CEP89: variants seen among roughly 807,000 people sequenced by gnomAD.
The protein encoded by CEP89 is centrosomal protein 89.
CEP89 carries 95 observed loss-of-function variants against 97.6 expected under a neutral mutation model. That is an observed-to-expected ratio of 0.97 (90% CI 0.82 to 1.15). CEP89 has a LOEUF of 1.15. Among genes scored for constraint, CEP89 ranks in the 50% most tolerant of loss-of-function variants. CEP89 has a pLI of 0.00. For synonymous variants in CEP89, 354 were observed against 349.1 expected (o/e 1.01, Z -0.16); for missense variants, 869 against 947.7 (o/e 0.92, Z 1.09).
rs150939726 is a variant in CEP89 at position 32,919,926 on chromosome 19, G to A, written c.1269-1587C>T. On this transcript the variant is annotated intron_variant, in intron 12 of 18. Coordinates refer to ENST00000305768, the MANE Select transcript of CEP89 (RefSeq NM_032816.5). Reference sequence around the variant, plus strand: ...CTCCCAAAGTGCTGGGATTACAGGCGTGAGCCACCATGCCCAGCCGCATTT... The same window carrying A: ...CTCCCAAAGTGCTGGGATTACAGGCATGAGCCACCATGCCCAGCCGCATTT... Among the ~76,000 whole-genome samples the A allele has an allele frequency of 2.9e-3, 445 of 152,314 alleles. 2 individuals carry two copies. Among genetic ancestry groups the A allele is most frequent in the African/African-American group, 0.01 (420 of 41,582 alleles).
At chr19:32,899,054 AG>A (rs1969705754) in intron 16 of CEP89, among the ~76,000 whole-genome samples, 1 of 152,024 alleles carries the variant, frequency 6.6e-6, no homozygotes, top group South Asian at 2.1e-4. Context: ...ATTAATAAAA[AG>A]ATACAATTGT....
intron 14 of CEP89, among the ~76,000 whole-genome samples, chr19:32,908,783 GCTCACACC>G (rs1044804810): frequency 2.6e-5 from 4 of 152,140 alleles, no homozygotes; most frequent in African/African-American, 9.7e-5. Flanking sequence ...CTGAACCAGC[GCTCACACC>G]GGGGGAATGT....
At chr19:32,898,657 A>G (rs1346481103) in intron 16 of CEP89, among the ~76,000 whole-genome samples, 1 of 152,090 alleles carries the variant, frequency 6.6e-6, no homozygotes, top group Non-Finnish European at 1.5e-5. Flanking sequence ...CGAGGTGGGC[A>G]GATCTCTTGA....
At chr19:32,918,647 C>A (rs1361387763) in intron 12 of CEP89, among the ~76,000 whole-genome samples, 1 of 152,174 alleles carries the variant, frequency 6.6e-6, no homozygotes, top group African/African-American at 2.4e-5. Context: ...TGAACAGTCA[C>A]TAAATGGCTG....
Position 32,880,227 on chromosome 19 carries a change from C to T in CEP89, c.2136-849G>A, listed in dbSNP as rs113302705. Among the ~76,000 whole-genome samples the T allele has an allele frequency of 1.6e-4, 24 of 152,344 alleles. 1 individual carries two copies. The highest frequency in any genetic ancestry group is 5.5e-4 in the African/African-American group (23 of 41,590). ...CTGGAGAGGCCAGCTCCTTCCCGGA[C>T]ACTGCCAGATGGTTCTGGAAAATGT... On this transcript the variant is annotated intron_variant, in intron 18 of 18. Transcript: ENST00000305768.
chr19:32,929,494 C>T (rs1219309413), intron 9 of CEP89, among the ~76,000 whole-genome samples: 1 of 151,894 alleles, frequency 6.6e-6, no homozygotes, highest in Non-Finnish European at 1.5e-5. Context: ...CCCAGCCACT[C>T]AGGAGGCTGA....
chr19:32,958,620 A>T (rs187225466), intron 3 of CEP89, among the ~76,000 whole-genome samples: 1 of 152,198 alleles, frequency 6.6e-6, no homozygotes, highest in Admixed American at 6.5e-5. Context: ...CAGAGGTTGC[A>T]GTGAGCCAGG....
At chr19:32,923,914 T>G (rs1053774291) in intron 11 of CEP89, among the ~76,000 whole-genome samples, 2 of 152,000 alleles carry the variant, frequency 1.3e-5, no homozygotes, top group Non-Finnish European at 2.9e-5. Context: ...AAATTGGAGG[T>G]TTTTAATATA....
intron 17 of CEP89, among the ~76,000 whole-genome samples, chr19:32,884,736 A>G (rs1568542862): frequency 6.6e-6 from 1 of 151,924 alleles, no homozygotes; most frequent in African/African-American, 2.4e-5. Context: ...GGCTAATTTT[A>G]AACTTTTTTT....
intron 5 of CEP89, among the ~76,000 whole-genome samples, chr19:32,941,665 T>C (rs910633980): frequency 2.0e-5 from 3 of 151,414 alleles, no homozygotes; most frequent in Admixed American, 1.3e-4. Flanking sequence ...TCTCCTGCGT[T>C]GGACACCAGG....
intron 16 of CEP89, among the ~76,000 whole-genome samples, chr19:32,898,606 G>C (rs1200215402): frequency 3.3e-5 from 5 of 152,162 alleles, no homozygotes; most frequent in African/African-American, 4.8e-5. Flanking sequence ...GCTCAGCTGG[G>C]TGTGGTGGCT....
At chr19:32,889,074 G>A (rs922655024) in intron 16 of CEP89, among the ~76,000 whole-genome samples, 4 of 152,180 alleles carry the variant, frequency 2.6e-5, no homozygotes, top group African/African-American at 9.6e-5. Context: ...GTACAGGGTT[G>A]GGTAAGGGCT....
At chr19:32,892,109 T>C (rs1410674529) in intron 16 of CEP89, among the ~76,000 whole-genome samples, 84 of 125,134 alleles carry the variant, frequency 6.7e-4, no homozygotes, top group African/African-American at 3.8e-3. Context: ...TATATATATT[T>C]AGACATACAT....
At chr19:32,919,024 A>G (rs1970193383) in intron 12 of CEP89, among the ~76,000 whole-genome samples, 1 of 151,548 alleles carries the variant, frequency 6.6e-6, no homozygotes, top group South Asian at 2.1e-4. Flanking sequence ...AGCTGGGACT[A>G]CAGATGCCCA....
At chr19:32,932,972 G>T (rs542377140) in intron 8 of CEP89, among the ~76,000 whole-genome samples, 1 of 151,814 alleles carries the variant, frequency 6.6e-6, no homozygotes, top group East Asian at 1.9e-4. Flanking sequence ...TAAATAAAGT[G>T]GGCAGCTTTA....
chr19:32,884,362 A>G (rs1599706861), intron 17 of CEP89, among the ~76,000 whole-genome samples: 2 of 152,276 alleles, frequency 1.3e-5, no homozygotes, highest in African/African-American at 4.8e-5. Context: ...AGTGTGGAAT[A>G]GCATTTTGCT....
At chr19:32,955,157 T>C (rs1190206695) in intron 3 of CEP89, among the ~76,000 whole-genome samples, 2 of 150,944 alleles carry the variant, frequency 1.3e-5, no homozygotes, top group East Asian at 4.0e-4. Context: ...GCTAATTTTT[T>C]GTTTGTTTGT....
chr19:32,960,282 T>C (rs568552359), intron 2 of CEP89, among the ~76,000 whole-genome samples: 1 of 152,292 alleles, frequency 6.6e-6, no homozygotes, highest in East Asian at 1.9e-4. Context: ...AGAAATTAAA[T>C]GACTTGTAAA....
chr19:32,919,837 G>C (rs1016739462), intron 12 of CEP89, among the ~76,000 whole-genome samples: 6 of 152,130 alleles, frequency 3.9e-5, no homozygotes, highest in African/African-American at 1.4e-4. Flanking sequence ...GTAGAGACAG[G>C]GTTTCACCAT....
Sources: allele counts gnomAD v4.1 joint callset (sites outside exome capture counted in the v4.1 genomes callset), GRCh38; gene constraint gnomAD v4.1.1; transcripts MANE v1.5; gene names NCBI Gene and HGNC (gene_info 2026-07-23, HGNC 2026-07-21).